Variants in SRSF11 observed in about 807,000 individuals in gnomAD.
SRSF11 encodes serine/arginine-rich splicing factor 11.
A neutral mutation model predicts 56.0 loss-of-function variants in SRSF11; 9 were observed. That is an observed-to-expected ratio of 0.16 (90% confidence interval 0.10 to 0.28). SRSF11 has a LOEUF of 0.28. Among genes scored for constraint, SRSF11 ranks in the 10% least tolerant of loss-of-function variants. The probability of loss-of-function intolerance (pLI) is 1.00; values close to 1 mark genes in which losing one functional copy is unlikely to be tolerated. For synonymous variants in SRSF11, 222 were observed against 215.3 expected, an observed-to-expected ratio of 1.03 and a Z score of -0.27; for missense variants, 421 against 600.7, an observed-to-expected ratio of 0.70 and a Z score of 3.13.
chr1:70,229,104 G>C (rs988414892), intron 2 of SRSF11: 2 of 1,185,778 alleles, frequency 1.7e-6, no homozygotes, highest in African/African-American at 1.6e-5. Flanking sequence ...TGGGCACTGG[G>C]TGTTTTATTT....
chr1:70,231,691 T>C (rs1672878986), intron 2 of SRSF11: 7 of 1,192,312 alleles, frequency 5.9e-6, no homozygotes, highest in Non-Finnish European at 7.4e-6. Context: ...GCAAAAGCCC[T>C]ACGCTTGATT....
At chr1:70,224,858 T>C (rs1571681412) in intron 1 of SRSF11, among the ~76,000 whole-genome samples, 1 of 152,242 alleles carries the variant, frequency 6.6e-6, no homozygotes, top group East Asian at 1.9e-4. Context: ...AAATGCGTAC[T>C]GGAAATGCAG....
At chr1:70,245,761 T>C (rs1165374907) in intron 8 of SRSF11, among the ~76,000 whole-genome samples, 9 of 152,158 alleles carry the variant, frequency 5.9e-5, no homozygotes, top group Non-Finnish European at 1.0e-4. Flanking sequence ...CAGAAAAATA[T>C]AATGAGACCG....
upstream of SRSF11, among the ~76,000 whole-genome samples, chr1:70,216,721 C>T (rs1405313728): frequency 6.6e-6 from 1 of 152,134 alleles, no homozygotes; most frequent in Non-Finnish European, 1.5e-5. Flanking sequence ...GGATGAGCCA[C>T]CATACCCAGT....
chr1:70,211,308 A>C (rs1223790507), intron 1 of SRSF11, among the ~76,000 whole-genome samples: 2 of 152,152 alleles, frequency 1.3e-5, no homozygotes, highest in East Asian at 3.9e-4. Context: ...CACTATTTTA[A>C]AATTTGACTT....
intron 2 of SRSF11, chr1:70,229,105 T>G (rs1672408399): frequency 8.4e-7 from 1 of 1,186,532 alleles, no homozygotes; most frequent in Non-Finnish European, 1.1e-6. Context: ...GGGCACTGGG[T>G]GTTTTATTTT....
chr1:70,218,666 T>C (rs956987251), upstream of SRSF11: 1 of 152,240 alleles, frequency 6.6e-6, no homozygotes, highest in African/African-American at 2.4e-5. Flanking sequence ...TTTGTCCTTT[T>C]ATCATCAAAT....
At chr1:70,250,253 C>G in intron 10 of SRSF11, 112 bp from the exon 11 acceptor site, 4 of 1,509,006 alleles carry the variant, frequency 2.7e-6, no homozygotes, top group Non-Finnish European at 3.6e-6. Context: ...TGTTACTTCT[C>G]CAAGGTTTTG....
At chr1:70,235,426 C>T (rs1208516197) in intron 4 of SRSF11, 75 bp from the exon 5 acceptor site, 7 of 1,235,664 alleles carry the variant, frequency 5.7e-6, no homozygotes, top group Non-Finnish European at 8.1e-6. Context: ...TTCTGTTGTT[C>T]AGTTTTCTGC....
Position 70,232,962 on chromosome 1 carries a change from C to T in SRSF11, c.447+585C>T, listed in dbSNP as rs150130551. On this transcript the variant is annotated intron_variant, in intron 3 of 11. Coordinates refer to ENST00000370949, the MANE Select transcript of SRSF11 (RefSeq NM_001350605.2). ...TCTAATTACTGAGATTGTAACTGGT[C>T]AGTAGTTTCAAAGATTGTAGTGAAT... Among the ~76,000 whole-genome samples the T allele has an allele frequency of 6.6e-5, 10 of 152,248 alleles. No individual in the cohort carries two copies. The East Asian group carries it at 1.7e-3, about 27-fold the overall frequency.
Position 70,249,957 on chromosome 1 carries a change from G to C in SRSF11, c.1028G>C (p.Arg343Thr). The change falls in exon 10 of 12, where the codon AGA (arginine) becomes ACA (threonine). Residue 343 changes from arginine to threonine, a missense_variant. Arg to Thr is a moderately conservative substitution (Grantham distance 71, BLOSUM62 -1). Around this residue, in one of 2 missense-constraint regions of SRSF11, gnomAD observed 253 missense variants for 305.8 expected, o/e 0.83. Coordinates refer to ENST00000370949, the MANE Select transcript of SRSF11 (RefSeq NM_001350605.2). ...ARRSRSASRERRRRRSRSGTR... is the reference protein window; with the variant it reads ...ARRSRSASRETRRRRSRSGTR... ...TTGCACATTTGTGATTCTAGAGAGAGACGACGACGAAGAAGCAGGAGTGGC... is the reference window on the plus strand; with the variant it reads ...TTGCACATTTGTGATTCTAGAGAGACACGACGACGAAGAAGCAGGAGTGGC... The C allele has an allele frequency of 6.2e-7, 1 of 1,614,106 alleles. No homozygotes were observed. Among genetic ancestry groups the C allele is most frequent in the South Asian group, 1.1e-5 (1 of 91,084 alleles).
Position 70,249,948 on chromosome 1 carries a change from C to A in SRSF11, c.1023-4C>A. On this transcript the variant is annotated splice_polypyrimidine_tract_variant and splice_region_variant and intron_variant, in intron 9 of 11. Transcript: ENST00000370949. ...AAACCTAGTTTGCACATTTGTGATT[C>A]TAGAGAGAGACGACGACGAAGAAGC... The A allele has an allele frequency of 6.2e-7, 1 of 1,613,952 alleles. No homozygotes were observed. Among genetic ancestry groups the A allele is most frequent in the South Asian group, 1.1e-5 (1 of 91,080 alleles).
intron 1 of SRSF11, among the ~76,000 whole-genome samples, chr1:70,209,802 T>C (rs567766013): frequency 7.2e-6 from 1 of 138,360 alleles, no homozygotes; most frequent in East Asian, 2.4e-4. Context: ...TTTTGCCATA[T>C]TGCCCAGGCT....
chr1:70,234,137 A>G (rs1673434098), intron 3 of SRSF11, among the ~76,000 whole-genome samples: 1 of 152,162 alleles, frequency 6.6e-6, no homozygotes. Flanking sequence ...GGTGTTTGAC[A>G]TGGTGCTGCA....
At chr1:70,240,063 T>G (rs1457202158) in intron 7 of SRSF11, among the ~76,000 whole-genome samples, 1 of 152,220 alleles carries the variant, frequency 6.6e-6, no homozygotes, top group Non-Finnish European at 1.5e-5. Flanking sequence ...TTCTAGATTC[T>G]CAAAGGTGAT....
upstream of SRSF11, among the ~76,000 whole-genome samples, chr1:70,220,522 T>G (rs1253502304): frequency 6.6e-6 from 1 of 152,244 alleles, no homozygotes; most frequent in East Asian, 1.9e-4. Context: ...TGAATATATT[T>G]AAGTACTATA....
chr1:70,218,201 C>T (rs920046935), upstream of SRSF11, among the ~76,000 whole-genome samples: 15 of 152,160 alleles, frequency 9.9e-5, no homozygotes, highest in Admixed American at 9.8e-4. Context: ...ATCTCCTGAC[C>T]TCGTGATCCG....
intron 2 of SRSF11, chr1:70,229,085 G>A: frequency 8.9e-7 from 1 of 1,125,744 alleles, no homozygotes; most frequent in Non-Finnish European, 1.1e-6. Context: ...CTGTAGCTTA[G>A]GTGCCAAATG....
At chr1:70,246,389 G>A (rs1293866576) in intron 8 of SRSF11, among the ~76,000 whole-genome samples, 1 of 152,160 alleles carries the variant, frequency 6.6e-6, no homozygotes, top group African/African-American at 2.4e-5. Context: ...GACATGGGAT[G>A]TGTGTCTTGG....
Sources: gnomAD v4.1 joint callset for allele counts (sites outside exome capture counted in the v4.1 genomes callset) on GRCh38, gnomAD v4.1.1 for gene constraint, gnomAD v4.1.1 regional missense constraint, MANE v1.5 for transcripts, NCBI Gene and HGNC (gene_info 2026-07-23, HGNC 2026-07-21) for gene names.